Variants in BMP5 observed in about 807,000 individuals in gnomAD.
BMP5 encodes the protein bone morphogenetic protein 5.
In BMP5, 23 loss-of-function variants were observed where a neutral mutation model predicts 46.6. The observed-to-expected ratio is 0.49, with a 90% CI of 0.35 to 0.70. The LOEUF is 0.70. Ranked by LOEUF, BMP5 falls within the 30% of genes least tolerant of loss-of-function variation. The probability of loss-of-function intolerance (pLI) is 0.00; values close to 1 mark genes in which losing one functional copy is unlikely to be tolerated. For synonymous variants in BMP5, 204 were observed against 191.9 expected, an observed-to-expected ratio of 1.06 and a Z score of -0.52; for missense variants, 545 against 565.6, an observed-to-expected ratio of 0.96 and a Z score of 0.37.
chr6:55,807,794 G>A (rs1246701166), intron 2 of BMP5, among the ~76,000 whole-genome samples: 1 of 152,134 alleles, frequency 6.6e-6, no homozygotes, highest in Admixed American at 6.5e-5. Flanking sequence ...TTGGGAGGGT[G>A]TATGTGTCTA....
At chr6:55,827,048 C>T (rs1012805182) in intron 1 of BMP5, among the ~76,000 whole-genome samples, 1 of 151,752 alleles carries the variant, frequency 6.6e-6, no homozygotes, top group African/African-American at 2.4e-5. Flanking sequence ...GCTCTCTCCT[C>T]CTATGCATTT....
chr6:55,808,249 G>C (rs1382606320), intron 2 of BMP5, among the ~76,000 whole-genome samples: 1 of 152,140 alleles, frequency 6.6e-6, no homozygotes, highest in East Asian at 1.9e-4. Flanking sequence ...GCCTGAAGAG[G>C]CACTCTGTCC....
At chr6:55,798,427 T>C (rs1228237243) in intron 2 of BMP5, among the ~76,000 whole-genome samples, 1 of 151,932 alleles carries the variant, frequency 6.6e-6, no homozygotes, top group African/African-American at 2.4e-5. Context: ...GACTGAGAGG[T>C]TTTCAAAAAC....
At chr6:55,786,038 G>A (rs928170108) in intron 3 of BMP5, among the ~76,000 whole-genome samples, 1 of 151,702 alleles carries the variant, frequency 6.6e-6, no homozygotes, top group African/African-American at 2.4e-5. Flanking sequence ...TTGAGAATGT[G>A]TATATGCCTG....
At chr6:55,789,288 C>T (rs971114256) in intron 3 of BMP5, among the ~76,000 whole-genome samples, 7 of 151,722 alleles carry the variant, frequency 4.6e-5, no homozygotes, top group African/African-American at 1.7e-4. Flanking sequence ...AAACATAGGG[C>T]TTTTTAAAAG....
rs542402659 is a variant in BMP5, at chr6:55,839,234, A to T, written c.491-19387T>A. On this transcript the variant is annotated intron_variant, in intron 1 of 6. Coordinates refer to ENST00000370830, the MANE Select transcript of BMP5 (RefSeq NM_021073.4). ...ATAAATATTCTACTTATTTATTTTT[A>T]TTTTATTTCTTATTTCATTTTTATT... is the stretch of plus-strand genomic sequence containing the variant. Among the ~76,000 whole-genome samples, 32 of 151,868 alleles carry T rather than the reference A, an allele frequency of 2.1e-4. No homozygotes were observed. The South Asian group carries it at 5.6e-3, about 27-fold the overall frequency.
intron 1 of BMP5, among the ~76,000 whole-genome samples, chr6:55,853,303 GCT>G (rs544588560): frequency 5.2e-4 from 78 of 149,926 alleles, no homozygotes; most frequent in African/African-American, 1.7e-3. Context: ...TCTATTCCTA[GCT>G]CTCTCTCTGT....
At chr6:55,778,008 G>A (rs1252652969) in intron 3 of BMP5, among the ~76,000 whole-genome samples, 1 of 152,028 alleles carries the variant, frequency 6.6e-6, no homozygotes, top group African/African-American at 2.4e-5. Context: ...ATTATCTTCT[G>A]TATTAGTCAT....
chr6:55,816,253 C>T (rs1170497581), intron 2 of BMP5, among the ~76,000 whole-genome samples: 1 of 151,734 alleles, frequency 6.6e-6, no homozygotes, highest in Non-Finnish European at 1.5e-5. Flanking sequence ...TGAATCATAC[C>T]GAGGAAAATG....
chr6:55,790,498 G>A lies in BMP5; in HGVS notation c.832+3781C>T, dbSNP rs1775551660. On this transcript the variant is annotated intron_variant, in intron 3 of 6. Coordinates refer to ENST00000370830, the MANE Select transcript of BMP5 (RefSeq NM_021073.4). Reference sequence around the variant, plus strand: ...TTTATGGCTGACGATCAAGCTACAAGAGAATATTACATTTAATTTAGATTT... The same window carrying A: ...TTTATGGCTGACGATCAAGCTACAAAAGAATATTACATTTAATTTAGATTT... Among the ~76,000 whole-genome samples the A allele has an allele frequency of 5.3e-5, 8 of 152,210 alleles. 1 individual carries two copies. In the South Asian group the frequency reaches 1.7e-3, roughly 32 times the overall value.
intron 1 of BMP5, among the ~76,000 whole-genome samples, chr6:55,853,623 T>C (rs79260583): frequency 0.03 from 4,616 of 152,316 alleles, 106 homozygotes; most frequent in Non-Finnish European, 0.043. Context: ...AAAATTTGTG[T>C]TGAGCAAAGT....
chr6:55,780,456 TAA>T (rs369703099), intron 3 of BMP5, among the ~76,000 whole-genome samples: 1 of 62,028 alleles, frequency 1.6e-5, no homozygotes, highest in Admixed American at 2.1e-4. Context: ...CCATCACTAC[TAA>T]AAAAAAAAAA....
At chr6:55,813,783 T>A (rs1456126897) in intron 2 of BMP5, among the ~76,000 whole-genome samples, 8 of 109,246 alleles carry the variant, frequency 7.3e-5, no homozygotes, top group African/African-American at 4.4e-4. Flanking sequence ...CGAGACACCG[T>A]CTCAAAAAAA....
intron 1 of BMP5, among the ~76,000 whole-genome samples, chr6:55,826,524 A>T (rs2127540811): frequency 6.6e-6 from 1 of 151,742 alleles, no homozygotes; most frequent in South Asian, 2.1e-4. Flanking sequence ...AACAAGAATT[A>T]AGCCTTACAT....
At chr6:55,860,849 T>G (rs2127553457) in intron 1 of BMP5, among the ~76,000 whole-genome samples, 2 of 152,292 alleles carry the variant, frequency 1.3e-5, no homozygotes, top group East Asian at 3.9e-4. Flanking sequence ...TTTGAGAAAT[T>G]TTGTAGCTCC....
chr6:55,825,373 AGTG>A (rs1776505132), intron 1 of BMP5, among the ~76,000 whole-genome samples: 1 of 152,010 alleles, frequency 6.6e-6, no homozygotes, highest in South Asian at 2.1e-4. Context: ...TGGTTTAAAA[AGTG>A]GTAACATCAA....
At position 55,821,519 on chromosome 6, in the gene BMP5, G is replaced by T. The variant is rs145520778; in HGVS notation, c.491-1672C>A. Among the ~76,000 whole-genome samples the T allele has an allele frequency of 2.3e-3, 353 of 152,162 alleles. 3 individuals are homozygous for T. The highest frequency in any genetic ancestry group is 8.2e-3 in the African/African-American group (340 of 41,520). ...TTTTTGTCCTGTGGATCTTGGCAAG[G>T]ATGATGCTCTTTGGCTCTCTGACTA... On this transcript the variant is annotated intron_variant, in intron 1 of 6. Transcript: ENST00000370830.
intron 4 of BMP5, among the ~76,000 whole-genome samples, chr6:55,764,609 GA>G (rs1211194575): frequency 2.1e-5 from 3 of 144,954 alleles, no homozygotes; most frequent in Non-Finnish European, 4.6e-5. Context: ...AGAAAGAAAA[GA>G]AAAAAAAGTC....
chr6:55,865,882 T>A (rs1406394629), intron 1 of BMP5, among the ~76,000 whole-genome samples: 4 of 152,154 alleles, frequency 2.6e-5, no homozygotes, highest in African/African-American at 9.7e-5. Context: ...AATGGTTTGC[T>A]CAAGGATACG....
Sources: gnomAD v4.1 joint callset for allele counts (sites outside exome capture counted in the v4.1 genomes callset) on GRCh38, gnomAD v4.1.1 for gene constraint, MANE v1.5 for transcripts, NCBI Gene and HGNC (gene_info 2026-07-23, HGNC 2026-07-21) for gene names.